Variants in HS6ST2 observed in about 807,000 individuals in gnomAD.
HS6ST2 encodes the protein heparan-sulfate 6-O-sulfotransferase 2.
HS6ST2 carries 17 observed loss-of-function variants against 33.0 expected under a neutral mutation model. The ratio of observed to expected loss-of-function variants is 0.52; its 90% CI spans 0.35 to 0.77. The LOEUF (loss-of-function observed/expected upper bound fraction) is 0.77, where lower values mean the gene tolerates loss of function less well. HS6ST2 is among the 30% of genes least tolerant of loss of function. The pLI is 0.01. For missense variants in HS6ST2, 519 were observed against 551.7 expected, an observed-to-expected ratio of 0.94 and a Z score of 0.59; for synonymous variants, 248 against 237.1, an observed-to-expected ratio of 1.05 and a Z score of -0.42.
At chrX:132,802,421 T>C (rs1256047202) in intron 2 of HS6ST2, among the ~76,000 whole-genome samples, 1 of 111,852 alleles carries the variant, frequency 8.9e-6, no homozygotes, top group East Asian at 2.8e-4. Context: ...CGCAAGTGTG[T>C]GGTCTTCTCA....
At chrX:132,674,330 G>A (rs1306382583) in intron 3 of HS6ST2, among the ~76,000 whole-genome samples, 1 of 111,984 alleles carries the variant, frequency 8.9e-6, no homozygotes, top group Non-Finnish European at 1.9e-5. Context: ...TGCCAGCAAG[G>A]CATTTAACTT....
chrX:132,939,740 A>C (rs1181119250), intron 2 of HS6ST2, among the ~76,000 whole-genome samples: 1 of 112,547 alleles, frequency 8.9e-6, no homozygotes, highest in Non-Finnish European at 1.9e-5. Flanking sequence ...AAATTTAACA[A>C]AATAAATTCA....
chrX:132,960,931 A>C (rs959503041), upstream of HS6ST2, among the ~76,000 whole-genome samples: 31 of 110,522 alleles, frequency 2.8e-4, no homozygotes, highest in African/African-American at 9.5e-4. Context: ...TTTGCTGAGA[A>C]GCAGGGAATT....
At chrX:132,836,608 T>C (rs1411600323) in intron 2 of HS6ST2, among the ~76,000 whole-genome samples, 1 of 112,887 alleles carries the variant, frequency 8.9e-6, no homozygotes, top group Non-Finnish European at 1.9e-5. Context: ...ACATATCTCA[T>C]AGAAGTGTCC....
chrX:132,850,751 C>T, intron 2 of HS6ST2, among the ~76,000 whole-genome samples: 1 of 111,532 alleles, frequency 9.0e-6, no homozygotes, highest in African/African-American at 3.3e-5. Flanking sequence ...CACACACACG[C>T]TCCCACATCA....
intron 2 of HS6ST2, among the ~76,000 whole-genome samples, chrX:132,872,636 A>C (rs948742179): frequency 8.9e-5 from 10 of 111,751 alleles, no homozygotes; most frequent in Admixed American, 8.6e-4. Flanking sequence ...AAACTCTGTA[A>C]GGCTTGCTTA....
chrX:132,668,454 T>C (rs1030695533), intron 4 of HS6ST2: 1 of 110,892 alleles, frequency 9.0e-6, no homozygotes, highest in African/African-American at 3.3e-5. Context: ...TTTGCCACAC[T>C]TTGCTGAAGC....
At chrX:132,696,327 G>T (rs1490891896) in intron 3 of HS6ST2, among the ~76,000 whole-genome samples, 1 of 111,672 alleles carries the variant, frequency 9.0e-6, no homozygotes, top group Non-Finnish European at 1.9e-5. Flanking sequence ...TTACCTTGCA[G>T]CTAAGAGTAG....
chrX:132,841,437 T>C (rs2065706178), intron 2 of HS6ST2, among the ~76,000 whole-genome samples: 1 of 111,639 alleles, frequency 9.0e-6, no homozygotes, highest in Non-Finnish European at 1.9e-5. Context: ...CTCACCTTTC[T>C]GTAAAGAAAA....
Position 132,794,574 on chromosome X carries a change from G to GATGATTATTATTATT in HS6ST2, c.948-86081_948-86080insAATAATAATAATCAT, listed in dbSNP as rs916088563. Among the ~76,000 whole-genome samples, 151 of 99,062 alleles carry GATGATTATTATTATT rather than the reference G, an allele frequency of 1.5e-3. 2 individuals are homozygous for GATGATTATTATTATT. The highest frequency in any genetic ancestry group is 5.5e-3 in the East Asian group (17 of 3,098). The allele number at this position is 99,062 out of a possible 115,157, so 86.0% of individuals were successfully genotyped here. A position where few individuals can be genotyped will look rare whatever the true frequency, so the allele number is the denominator to read the frequency against. On this transcript the variant is annotated intron_variant, in intron 2 of 4. Transcript: ENST00000370833. The stretch of plus-strand genomic sequence containing the variant: ...ACTCCTGGATGATGATGATGATGAT[G>GATGATTATTATTATT]ATTATTATTATTATTATTATTATTA...
At chrX:132,938,864 T>A (rs1301439468) in intron 2 of HS6ST2, among the ~76,000 whole-genome samples, 1 of 112,074 alleles carries the variant, frequency 8.9e-6, no homozygotes, top group East Asian at 2.8e-4. Flanking sequence ...TCCATTTGTG[T>A]TGCTATAAAG....
intron 2 of HS6ST2, among the ~76,000 whole-genome samples, chrX:132,828,851 AAT>A (rs1307693218): frequency 9.7e-6 from 1 of 102,606 alleles, no homozygotes. Context: ...TAAGTATATA[AAT>A]ATATATATGC....
chrX:132,944,485 C>A (rs1222775585), intron 2 of HS6ST2, among the ~76,000 whole-genome samples: 2 of 111,612 alleles, frequency 1.8e-5, no homozygotes, highest in Non-Finnish European at 3.8e-5. Context: ...ACTTTCTTCA[C>A]AGAATTGGAA....
At chrX:132,887,022 C>T (rs984462413) in intron 2 of HS6ST2, among the ~76,000 whole-genome samples, 3 of 110,559 alleles carry the variant, frequency 2.7e-5, no homozygotes, top group African/African-American at 9.9e-5. Context: ...GTAGTCCCAG[C>T]TACTCAGGAG....
chrX:132,825,909 T>A (rs2065513825), intron 2 of HS6ST2, among the ~76,000 whole-genome samples: 1 of 111,954 alleles, frequency 8.9e-6, no homozygotes. Context: ...GTTCAAGCTG[T>A]CTCCCCCACA....
At chrX:132,688,009 A>G (rs1167192544) in intron 3 of HS6ST2, among the ~76,000 whole-genome samples, 1 of 112,387 alleles carries the variant, frequency 8.9e-6, no homozygotes, top group Admixed American at 9.4e-5. Flanking sequence ...TCGGCCTCCC[A>G]AAGTACTGGG....
intron 3 of HS6ST2, among the ~76,000 whole-genome samples, chrX:132,684,108 A>C (rs926154785): frequency 8.3e-5 from 9 of 108,655 alleles, no homozygotes; most frequent in Non-Finnish European, 1.5e-4. Flanking sequence ...TTGTGATTAA[A>C]GAGAAGGTAT....
chrX:132,689,075 C>T (rs2064041200), intron 3 of HS6ST2, among the ~76,000 whole-genome samples: 1 of 111,923 alleles, frequency 8.9e-6, no homozygotes, highest in Non-Finnish European at 1.9e-5. Context: ...ACCTCCTGGT[C>T]ATCTGTCCCA....
In HS6ST2 at chrX:132,627,247, A is replaced by G. The variant is rs2063485700; in HGVS notation, c.*976T>C. 4 of 112,737 alleles carry G rather than the reference A, an allele frequency of 3.5e-5. No homozygotes were observed. The highest frequency in any genetic ancestry group is 7.5e-5 in the Non-Finnish European group (4 of 53,275). 9.3% of individuals were successfully genotyped at this position (112,737 alleles called of 1,213,427 possible). ...CAAGTTTCTTGATTAGGACCTCACT[A>G]CACAAATATTGATAAAATAATTCTA... On this transcript the variant is annotated 3_prime_UTR_variant, in exon 5 of 5. Transcript: ENST00000370833.
Sources: gnomAD v4.1 joint callset for allele counts (sites outside exome capture counted in the v4.1 genomes callset) on GRCh38, gnomAD v4.1.1 for gene constraint, MANE v1.5 for transcripts, NCBI Gene and HGNC (gene_info 2026-07-23, HGNC 2026-07-21) for gene names.